The following GBF1 variants were observed in gnomAD, a reference collection of about 807,000 sequenced individuals.
The protein encoded by GBF1 is Golgi-specific brefeldin A-resistance guanine nucleotide exchange factor 1.
In GBF1, 114 loss-of-function variants were observed where a neutral mutation model predicts 210.5. The observed-to-expected ratio is 0.54, with a 90% confidence interval of 0.47 to 0.63. The LOEUF is 0.63. GBF1 is among the 30% of genes least tolerant of loss of function. The pLI is 0.00. For synonymous variants in GBF1, 850 were observed against 889.2 expected (o/e 0.96, Z 0.78); for missense variants, 1,851 against 2,357.7 (o/e 0.79, Z 4.45).
At chr10:102,322,497 A>G (rs2056491920) in intron 3 of GBF1, among the ~76,000 whole-genome samples, 1 of 152,118 alleles carries the variant, frequency 6.6e-6, no homozygotes, top group Non-Finnish European at 1.5e-5. Context: ...TCTCCCCACT[A>G]TAAATTCCTT....
At chr10:102,252,649 A>G (rs999557713) in intron 1 of GBF1, among the ~76,000 whole-genome samples, 17 of 152,186 alleles carry the variant, frequency 1.1e-4, no homozygotes, top group African/African-American at 4.1e-4. Context: ...GTTTGAGACC[A>G]GCCTGGGCAA....
chr10:102,264,738 A>G (rs2073665596), intron 3 of GBF1, among the ~76,000 whole-genome samples: 1 of 152,238 alleles, frequency 6.6e-6, no homozygotes, highest in African/African-American at 2.4e-5. Flanking sequence ...TCATTATTTA[A>G]CCAAAACCTG....
rs775435513 is a variant in GBF1, at chr10:102,369,266, C to T, written c.3029C>T (p.Ala1010Val). The change falls in exon 24 of 40, where the codon GCC becomes GTC. Residue 1010 changes from alanine to valine, a missense_variant. Ala to Val is a moderately conservative substitution (Grantham distance 64, BLOSUM62 0). This residue lies in a region of GBF1 where 967 missense variants were observed against 1,247.7 expected (regional missense o/e 0.78). Coordinates refer to ENST00000369983, the MANE Select transcript of GBF1 (RefSeq NM_001377137.1). ...FGSNPKAHIA[A>V]KTVFHLAHRH... ...AGCAACCCTAAAGCCCATATTGCAG[C>T]CAAGACAGTATTCCATTTGGCCCAT... 1.6e-4 allele frequency: 255 copies of T among 1,613,692 alleles called. 4 individuals are homozygous for T. The South Asian group carries it at 2.5e-3, about 16-fold the overall frequency.
intron 8 of GBF1, among the ~76,000 whole-genome samples, chr10:102,356,487 C>T (rs1439976094): frequency 2.0e-5 from 3 of 152,086 alleles, no homozygotes; most frequent in Admixed American, 1.3e-4. Flanking sequence ...CAAATTGGGC[C>T]GGGCACAGTG....
chr10:102,334,291 C>A (rs1453886451), intron 3 of GBF1, among the ~76,000 whole-genome samples: 2 of 152,196 alleles, frequency 1.3e-5, no homozygotes, highest in Non-Finnish European at 2.9e-5. Context: ...TGATAAGAGT[C>A]ACTCAGGAGT....
intron 3 of GBF1, among the ~76,000 whole-genome samples, chr10:102,335,549 C>T (rs1271326084): frequency 1.3e-5 from 2 of 152,204 alleles, no homozygotes; most frequent in Non-Finnish European, 2.9e-5. Flanking sequence ...ACACCAGAAA[C>T]CTTTCTGTTC....
the GBF1 span, among the ~76,000 whole-genome samples, chr10:102,237,446 G>A: frequency 1.3e-5 from 2 of 152,166 alleles, no homozygotes; most frequent in African/African-American, 4.8e-5. Context: ...GAGATCTGCA[G>A]AGAGAAACGA....
chr10:102,358,055 G>A lies in GBF1; in HGVS notation c.656G>A (p.Gly219Glu). The A allele has an allele frequency of 6.2e-7, 1 of 1,607,718 alleles. No homozygotes were observed. The highest frequency in any genetic ancestry group is 8.5e-7 in the Non-Finnish European group (1 of 1,174,208). Residue 219 changes from glycine to glutamate, a missense_variant, in exon 9 of 40, where the codon GGA (glycine) becomes GAA (glutamate). Physicochemically the swap from Gly to Glu is moderately conservative, Grantham distance 98. Around this residue, in one of 3 missense-constraint regions of GBF1, gnomAD observed 804 missense variants for 958.6 expected, o/e 0.84. Coordinates refer to ENST00000369983, the MANE Select transcript of GBF1 (RefSeq NM_001377137.1). ...TATTTCCAGCTGAAAATGAGAGCCGGAGGCATGAGTGATTCATCCAAATGG... is the reference window on the plus strand; with the variant it reads ...TATTTCCAGCTGAAAATGAGAGCCGAAGGCATGAGTGATTCATCCAAATGG... ...TNMKKLKMRA[G>E]GMSDSSKWKK...
At chr10:102,349,658 C>G (rs2058807726) in intron 4 of GBF1, among the ~76,000 whole-genome samples, 1 of 152,172 alleles carries the variant, frequency 6.6e-6, no homozygotes, top group South Asian at 2.1e-4. Flanking sequence ...ACTCACAAAG[C>G]TTTTTCATAT....
chr10:102,322,811 C>T (rs2056535962), intron 3 of GBF1, among the ~76,000 whole-genome samples: 1 of 151,362 alleles, frequency 6.6e-6, no homozygotes, highest in South Asian at 2.1e-4. Context: ...TTAATAAGAG[C>T]CAGTTGTTTC....
At chr10:102,291,701 C>G (rs1001776138) in intron 3 of GBF1, among the ~76,000 whole-genome samples, 1 of 152,104 alleles carries the variant, frequency 6.6e-6, no homozygotes, top group African/African-American at 2.4e-5. Context: ...TTCTGAACAG[C>G]GAAAGGCCTT....
At chr10:102,287,359 T>A (rs1322360705) in intron 3 of GBF1, among the ~76,000 whole-genome samples, 2 of 137,464 alleles carry the variant, frequency 1.5e-5, no homozygotes, top group African/African-American at 5.5e-5. Flanking sequence ...TTTTTTTTTT[T>A]TTTTTTTTTT....
rs2058374546 is a variant in GBF1, at chr10:102,344,141, C to T, written c.254C>T (p.Ala85Val). The T allele has an allele frequency of 6.2e-7, 1 of 1,613,270 alleles. No individual in the cohort carries two copies. The highest frequency in any genetic ancestry group is 1.1e-5 in the South Asian group (1 of 91,084). ...ACCACTGGCCCTATCACTGGACTGGCACTCACCTCTGTCAACAAGTTCCTG... is the reference window on the plus strand; with the variant it reads ...ACCACTGGCCCTATCACTGGACTGGTACTCACCTCTGTCAACAAGTTCCTG... ...EDTTGPITGL[A>V]LTSVNKFLSY... Residue 85 changes from alanine (A) to valine (V), a missense_variant, in exon 4 of 40, where the codon GCA (alanine) becomes GTA (valine). This residue lies in a region of GBF1 where 804 missense variants were observed against 958.6 expected (regional missense o/e 0.84). Transcript: ENST00000369983.
chr10:102,368,164 G>C, intron 21 of GBF1, 54 bp from the exon 22 acceptor site: 1 of 1,150,562 alleles, frequency 8.7e-7, no homozygotes, highest in Non-Finnish European at 1.3e-6. Context: ...GTCTTGGTTT[G>C]GAACTAGTCA....
chr10:102,261,083 A>C (rs1031272311), intron 3 of GBF1, among the ~76,000 whole-genome samples: 2 of 152,150 alleles, frequency 1.3e-5, no homozygotes, highest in East Asian at 3.8e-4. Flanking sequence ...AGCCCAGAGG[A>C]GTTTAAAGTG....
chr10:102,352,734 A>G lies in GBF1; in HGVS notation c.584+216A>G, dbSNP rs1210241688. On this transcript the variant is annotated intron_variant, in intron 7 of 39. Transcript: ENST00000369983. Reference sequence around the variant, plus strand: ...TCACGGGGAGGCAGAGGGTTATTTAATATAGGCCAGCAGACCTCATTCTGC... The same window carrying G: ...TCACGGGGAGGCAGAGGGTTATTTAGTATAGGCCAGCAGACCTCATTCTGC... Among the ~76,000 whole-genome samples, 3 of 152,156 alleles carry G rather than the reference A, an allele frequency of 2.0e-5. No homozygotes were observed. In the East Asian group the frequency reaches 5.8e-4, roughly 29 times the overall value.
chr10:102,321,751 G>A (rs1210381090), intron 3 of GBF1, among the ~76,000 whole-genome samples: 3 of 152,060 alleles, frequency 2.0e-5, no homozygotes, highest in Admixed American at 6.6e-5. Flanking sequence ...TTGTAGAGAC[G>A]GGGTTTCGCC....
At chr10:102,268,564 G>C (rs974929515) in intron 3 of GBF1, among the ~76,000 whole-genome samples, 5 of 152,072 alleles carry the variant, frequency 3.3e-5, no homozygotes, top group Non-Finnish European at 7.4e-5. Flanking sequence ...GCAGTCAGAT[G>C]AGTAAAAAGA....
chr10:102,379,934 GC>G lies in GBF1; in HGVS notation c.4859del (p.Ala1620ValfsTer53). The G allele has an allele frequency of 6.2e-7, 1 of 1,609,322 alleles. No homozygotes were observed. On this transcript the variant is annotated frameshift_variant, in exon 36 of 40. Coordinates refer to ENST00000369983, the MANE Select transcript of GBF1 (RefSeq NM_001377137.1). LOFTEE classifies it high-confidence loss of function. ...TGGGATGGAGGAGACCCGGATGAGG[GC>G]TTCCACATTGCTCTCTAAGGTACTG... Reference protein sequence around the residue: ...VGGMEETRMRASTLLSKVFLQ... With the variant: ...VGGMEETRMRXSTLLSKVFLQ...
Sources: allele counts gnomAD v4.1 joint callset (sites outside exome capture counted in the v4.1 genomes callset), GRCh38; gene constraint gnomAD v4.1.1; regional missense constraint gnomAD v4.1.1; transcripts MANE v1.5; gene names NCBI Gene and HGNC (gene_info 2026-07-23, HGNC 2026-07-21).